Variants in CHST15 observed in about 807,000 individuals in gnomAD.
CHST15 encodes B cell RAG associated protein (GALNAC4S-6ST).
In CHST15, 30 loss-of-function variants were observed where a neutral mutation model predicts 53.6. The ratio of observed to expected loss-of-function variants is 0.56; its 90% CI spans 0.42 to 0.76. CHST15 has a LOEUF of 0.76. Among genes scored for constraint, CHST15 ranks in the 30% least tolerant of loss-of-function variants. The pLI, the probability that CHST15 is intolerant of heterozygous loss-of-function variation, is 0.00. For missense variants in CHST15, 627 were observed against 740.5 expected (o/e 0.85, Z 1.78); for synonymous variants, 296 against 289.8 (o/e 1.02, Z -0.22).
intron 5 of CHST15, among the ~76,000 whole-genome samples, chr10:124,030,413 C>T (rs924735635): frequency 1.3e-5 from 2 of 152,346 alleles, no homozygotes; most frequent in Admixed American, 1.3e-4. Context: ...CACCGCACTA[C>T]AGTAGTCCTC....
At chr10:124,035,953 A>C (rs1590229274) in intron 5 of CHST15, among the ~76,000 whole-genome samples, 2 of 151,736 alleles carry the variant, frequency 1.3e-5, no homozygotes, top group African/African-American at 4.8e-5. Context: ...CACACACCAA[A>C]CCCAGTCCCG....
intron 5 of CHST15, among the ~76,000 whole-genome samples, chr10:124,026,569 G>C (rs1025652911): frequency 6.6e-6 from 1 of 152,214 alleles, no homozygotes; most frequent in African/African-American, 2.4e-5. Flanking sequence ...ATGAGGAAGT[G>C]GGGGAAGGAG....
At chr10:124,038,398 A>C in intron 5 of CHST15, 117 bp downstream of exon 5, 1 of 1,208,880 alleles carries the variant, frequency 8.3e-7, no homozygotes, top group Non-Finnish European at 1.2e-6. Context: ...GAGCCACTGT[A>C]CCCGACCTGT....
intron 5 of CHST15, among the ~76,000 whole-genome samples, chr10:124,028,873 T>C (rs936859213): frequency 6.6e-6 from 1 of 152,126 alleles, no homozygotes; most frequent in Non-Finnish European, 1.5e-5. Flanking sequence ...CCGGTGACGC[T>C]GGCCCCACCT....
At chr10:124,017,376 CG>C (rs1946621751) in intron 6 of CHST15, among the ~76,000 whole-genome samples, 1 of 152,132 alleles carries the variant, frequency 6.6e-6, no homozygotes, top group Admixed American at 6.5e-5. Flanking sequence ...CCACATTAGC[CG>C]GATACCTTGC....
At position 124,009,814 on chromosome 10, in the gene CHST15, C is replaced by G. The variant is rs1946361810; in HGVS notation, c.*335G>C. The G allele has an allele frequency of 4.6e-6, 5 of 1,087,556 alleles. No individual in the cohort carries two copies. The South Asian group carries it at 1.4e-4, about 30-fold the overall frequency. The allele number at this position is 1,087,556 out of a possible 1,614,324, so 67.4% of individuals were successfully genotyped here. On this transcript the variant is annotated 3_prime_UTR_variant, in exon 8 of 8. Transcript: ENST00000435907. ...AGGCTCTCCAGAAGGCGGAGGCGGG[C>G]AGGGCCAGGCTGCCTTCCCTAGGTG...
rs1473750038 is a variant in CHST15 at position 124,008,658 on chromosome 10, AC to A, written c.*1490del. The A allele has an allele frequency of 9.6e-7, 1 of 1,039,928 alleles. No homozygotes were observed. The highest frequency in any genetic ancestry group is 1.2e-6 in the Non-Finnish European group (1 of 859,400). 64.4% of individuals were successfully genotyped at this position (1,039,928 alleles called of 1,614,324 possible). A position where few individuals can be genotyped will look rare whatever the true frequency, so the allele number is the denominator to read the frequency against. On this transcript the variant is annotated 3_prime_UTR_variant, in exon 8 of 8. Transcript: ENST00000435907. ...CGGCTGAACAACTGCAGATCCTCCT[AC>A]CCCCGAAGCCTGGTCTGTCTCACAC...
intron 1 of CHST15, among the ~76,000 whole-genome samples, chr10:124,073,532 T>C (rs921739671): frequency 3.2e-4 from 49 of 152,186 alleles, no homozygotes; most frequent in African/African-American, 1.2e-3. Flanking sequence ...GCAGCACACT[T>C]AGGATAGATG....
chr10:124,025,268 C>T (rs1162494409), intron 5 of CHST15, among the ~76,000 whole-genome samples: 1 of 152,154 alleles, frequency 6.6e-6, no homozygotes. Flanking sequence ...CCAGGCAAGC[C>T]CACCCCTAGC....
In CHST15 at chr10:124,044,698, G is replaced by A. The variant is rs1320713423; in HGVS notation, c.768C>T (p.Phe256=). The A allele has an allele frequency of 3.7e-6, 6 of 1,613,870 alleles. No individual in the cohort carries two copies. The highest frequency in any genetic ancestry group is 1.3e-5 in the African/African-American group (1 of 74,940). ...KHFRLRCLPH[F]YIIGQPKCGT... is the part of the protein sequence containing the mutation. ...CGCACTTGGGCTGCCCTATGATGTA[G>A]AAGTGCGGCAGGCAGCGCAGGCGGA... The change falls in exon 3 of 8, where the codon TTC becomes TTT. Residue 256 remains phenylalanine, a synonymous_variant. Coordinates refer to ENST00000435907, the MANE Select transcript of CHST15 (RefSeq NM_001270764.2).
At chr10:124,078,892 G>C (rs1361698276) in intron 1 of CHST15, among the ~76,000 whole-genome samples, 1 of 152,172 alleles carries the variant, frequency 6.6e-6, no homozygotes, top group Non-Finnish European at 1.5e-5. Context: ...GCTGAGTGAA[G>C]GGTACACAGG....
At chr10:124,020,056 C>T (rs1210466728) in intron 6 of CHST15, 1 of 985,870 alleles carries the variant, frequency 1.0e-6, no homozygotes, top group Non-Finnish European at 1.2e-6. Flanking sequence ...GCCCAGCCTC[C>T]ATCTTCTCTC....
intron 1 of CHST15, among the ~76,000 whole-genome samples, chr10:124,080,263 A>G (rs1177380826): frequency 6.6e-6 from 1 of 152,148 alleles, no homozygotes; most frequent in Non-Finnish European, 1.5e-5. Flanking sequence ...CCCGAGCATA[A>G]ATGAATCCCA....
intron 1 of CHST15, among the ~76,000 whole-genome samples, chr10:124,066,979 C>T (rs1039758468): frequency 1.3e-5 from 2 of 152,266 alleles, no homozygotes; most frequent in Non-Finnish European, 2.9e-5. Flanking sequence ...GCAAGGCGCT[C>T]TGCAGCTGGG....
intron 1 of CHST15, among the ~76,000 whole-genome samples, chr10:124,087,422 G>A (rs1242066533): frequency 1.3e-5 from 2 of 152,186 alleles, no homozygotes; most frequent in African/African-American, 4.8e-5. Context: ...CTAAGCCACC[G>A]AGTTCCAGCC....
At position 124,046,337 on chromosome 10, in the gene CHST15, A is replaced by C; in HGVS notation, c.-125T>G. ...CTTGTGATCACAGAAGATGGATGGA[A>C]AGCACAAATACAAAAATAAGCAGAC... On this transcript the variant is annotated 5_prime_UTR_variant, in exon 2 of 8. Coordinates refer to ENST00000435907, the MANE Select transcript of CHST15 (RefSeq NM_001270764.2). The C allele has an allele frequency of 1.2e-6, 1 of 857,236 alleles. No homozygotes were observed. Among genetic ancestry groups the C allele is most frequent in the Non-Finnish European group, 1.8e-6 (1 of 568,318 alleles). The allele number at this position is 857,236 out of a possible 1,614,324, so 53.1% of individuals were successfully genotyped here. A position where few individuals can be genotyped will look rare whatever the true frequency, so the allele number is the denominator to read the frequency against.
intron 1 of CHST15, among the ~76,000 whole-genome samples, chr10:124,086,115 T>G (rs1027488569): frequency 1.3e-5 from 2 of 152,166 alleles, no homozygotes; most frequent in South Asian, 4.1e-4. Context: ...GACCTTGAGA[T>G]CCATGGATCA....
rs1000834437 is a variant in CHST15 at position 124,008,163 on chromosome 10, G to A, written c.*1986C>T. ...CCACATGTTATTCACATGCATAGGA[G>A]TGCATAAGAAAAATCCCTTGTTGTA... On this transcript the variant is annotated 3_prime_UTR_variant, in exon 8 of 8. Coordinates refer to ENST00000435907, the MANE Select transcript of CHST15 (RefSeq NM_001270764.2). 1.1e-5 allele frequency: 14 copies of A among 1,230,620 alleles called. No homozygotes were observed. The East Asian group carries it at 4.4e-4, about 39-fold the overall frequency. The allele number at this position is 1,230,620 out of a possible 1,614,324, so 76.2% of individuals were successfully genotyped here.
chr10:124,064,417 G>T (rs1948688627), intron 1 of CHST15, among the ~76,000 whole-genome samples: 1 of 152,228 alleles, frequency 6.6e-6, no homozygotes, highest in Non-Finnish European at 1.5e-5. Context: ...CAAAGGTACA[G>T]CAGTGGCCAC....
Sources: gnomAD v4.1 joint callset for allele counts (sites outside exome capture counted in the v4.1 genomes callset) on GRCh38, gnomAD v4.1.1 for gene constraint, MANE v1.5 for transcripts, NCBI Gene and HGNC (gene_info 2026-07-23, HGNC 2026-07-21) for gene names.